The following SDK1 variants were observed in gnomAD, a reference collection of about 807,000 sequenced individuals.
SDK1 encodes the protein sidekick cell adhesion molecule 1, also known as protein sidekick-1.
In SDK1, 157 loss-of-function variants were observed where a neutral mutation model predicts 245.5. The observed-to-expected ratio is 0.64, with a 90% CI of 0.56 to 0.73. SDK1 has a LOEUF of 0.73. SDK1 is among the 30% of genes least tolerant of loss of function. The probability of loss-of-function intolerance (pLI) is 0.00; values close to 1 mark genes in which losing one functional copy is unlikely to be tolerated. For synonymous variants in SDK1, 1,647 were observed against 1,278.5 expected, an observed-to-expected ratio of 1.29 and a Z score of -6.15; for missense variants, 3,583 against 3,002.3, an observed-to-expected ratio of 1.19 and a Z score of -4.52.
rs780315292 is a variant in SDK1, at chr7:4,245,578, T to A, written c.6252-98T>A. On this transcript the variant is annotated intron_variant, in intron 43 of 44. Transcript: ENST00000404826. ...ATGTCAAAGGCTGTGGGTTTCCTCT[T>A]AGTCCAACGCAATAAAGGCCAAATG... is the stretch of plus-strand genomic sequence containing the variant. The A allele has an allele frequency of 4.2e-6, 6 of 1,413,786 alleles. No homozygotes were observed. The East Asian group carries it at 1.4e-4, about 33-fold the overall frequency. 87.6% of individuals were successfully genotyped at this position (1,413,786 alleles called of 1,614,324 possible). A position where few individuals can be genotyped will look rare whatever the true frequency, so the allele number is the denominator to read the frequency against.
intron 1 of SDK1, among the ~76,000 whole-genome samples, chr7:3,560,444 T>C (rs530981552): frequency 5.9e-5 from 9 of 152,354 alleles, no homozygotes; most frequent in Admixed American, 2.6e-4. Context: ...TTTAAACTTA[T>C]ATCCAGTGTG....
At chr7:3,509,550 C>T (rs946048850) in intron 1 of SDK1, among the ~76,000 whole-genome samples, 1 of 152,160 alleles carries the variant, frequency 6.6e-6, no homozygotes, top group African/African-American at 2.4e-5. Flanking sequence ...TGTGTTACCT[C>T]CATTTTACAG....
chr7:3,407,764 G>C (rs1583813597), intron 1 of SDK1, among the ~76,000 whole-genome samples: 1 of 152,172 alleles, frequency 6.6e-6, no homozygotes, highest in African/African-American at 2.4e-5. Flanking sequence ...GGTATACAAG[G>C]ATAACTAAGA....
At chr7:3,383,187 G>A (rs193233494) in intron 1 of SDK1, among the ~76,000 whole-genome samples, 15 of 152,296 alleles carry the variant, frequency 9.8e-5, no homozygotes, top group African/African-American at 3.6e-4. Flanking sequence ...TGAGGTGGGG[G>A]GATCAATTGA....
At chr7:4,258,174 A>G (rs1188804216) in intron 44 of SDK1, among the ~76,000 whole-genome samples, 1 of 152,214 alleles carries the variant, frequency 6.6e-6, no homozygotes, top group Admixed American at 6.5e-5. Flanking sequence ...GAAATGGTAT[A>G]AACACGCAGA....
rs78444417 is a variant in SDK1 at position 3,641,983 on chromosome 7, C to G, written c.591C>G (p.Asp197Glu). 5.6e-3 allele frequency: 8,991 copies of G among 1,613,820 alleles called. 418 individuals are homozygous for G. The African/African-American group carries it at 0.1, about 19-fold the overall frequency. The change falls in exon 4 of 45, where the codon GAC becomes GAG. Residue 197 changes from aspartate (D) to glutamate (E), a missense_variant. Transcript: ENST00000404826. Reference protein sequence around the residue: ...VAYMGSFMDTDQRKTVSQGRA... With the variant: ...VAYMGSFMDTEQRKTVSQGRA... ...ATATGGGAAGTTTCATGGATACGGA[C>G]CAGAGGAAAACAGTTTCTCAAGGAC...
intron 5 of SDK1, 117 bp from the exon 6 acceptor site, chr7:3,950,806 G>A (rs1780778387): frequency 2.9e-6 from 2 of 694,452 alleles, no homozygotes; most frequent in Admixed American, 2.3e-5. Context: ...TGTAGGGATT[G>A]GTACTCTCTT....
chr7:3,604,077 C>T (rs866696618), intron 1 of SDK1, among the ~76,000 whole-genome samples: 13 of 152,098 alleles, frequency 8.5e-5, no homozygotes, highest in African/African-American at 1.4e-4. Context: ...TGCTGGATTT[C>T]GGTTTGCCAG....
chr7:3,509,792 A>C (rs1782518183), intron 1 of SDK1, among the ~76,000 whole-genome samples: 2 of 152,208 alleles, frequency 1.3e-5, no homozygotes, highest in Non-Finnish European at 2.9e-5. Context: ...CATGACAGAG[A>C]GAGCCCCCCA....
At chr7:3,339,485 A>G (rs1467286520) in intron 1 of SDK1, among the ~76,000 whole-genome samples, 1 of 152,146 alleles carries the variant, frequency 6.6e-6, no homozygotes, top group Non-Finnish European at 1.5e-5. Flanking sequence ...AGAATACCCT[A>G]CTTTTTAAGT....
chr7:3,433,155 T>C (rs890378948), intron 1 of SDK1, among the ~76,000 whole-genome samples: 6 of 152,198 alleles, frequency 3.9e-5, no homozygotes, highest in Non-Finnish European at 5.9e-5. Flanking sequence ...GTACGGTGTT[T>C]AGCAAGTCCA....
chr7:3,364,495 C>T (rs774795386), intron 1 of SDK1, among the ~76,000 whole-genome samples: 1 of 152,104 alleles, frequency 6.6e-6, no homozygotes, highest in African/African-American at 2.4e-5. Context: ...CTTTTAAACC[C>T]ATGGATATGC....
At chr7:3,759,918 G>T (rs551132140) in intron 4 of SDK1, among the ~76,000 whole-genome samples, 5 of 151,910 alleles carry the variant, frequency 3.3e-5, no homozygotes, top group African/African-American at 9.7e-5. Context: ...TAAGTTGTCC[G>T]CATTCTTTTG....
intron 5 of SDK1, among the ~76,000 whole-genome samples, chr7:3,838,208 C>G (rs900293449): frequency 1.3e-5 from 2 of 152,208 alleles, no homozygotes; most frequent in African/African-American, 2.4e-5. Context: ...CTGTACACAG[C>G]AATCCGGATT....
At chr7:3,951,269 G>A (rs974372241) in intron 6 of SDK1, among the ~76,000 whole-genome samples, 1 of 152,046 alleles carries the variant, frequency 6.6e-6, no homozygotes, top group Non-Finnish European at 1.5e-5. Flanking sequence ...GGGTGGTAGT[G>A]GGGGGCTCCT....
chr7:3,319,805 G>A (rs1387779471), intron 1 of SDK1, among the ~76,000 whole-genome samples: 6 of 142,520 alleles, frequency 4.2e-5, no homozygotes, highest in Non-Finnish European at 9.1e-5. Flanking sequence ...TTTCACTTTA[G>A]TTATACTGTT....
chr7:3,308,410 C>G (rs1779471154), intron 1 of SDK1, among the ~76,000 whole-genome samples: 1 of 152,068 alleles, frequency 6.6e-6, no homozygotes, highest in Non-Finnish European at 1.5e-5. Flanking sequence ...TCATTAGGGG[C>G]TTTTAGTAAA....
At chr7:3,649,264 G>A (rs1445236138) in intron 4 of SDK1, among the ~76,000 whole-genome samples, 2 of 152,072 alleles carry the variant, frequency 1.3e-5, no homozygotes, top group Admixed American at 6.5e-5. Flanking sequence ...CTCTGTGGAG[G>A]TGACATTTTA....
At chr7:3,989,742 G>A (rs763722417) in intron 14 of SDK1, among the ~76,000 whole-genome samples, 2 of 152,054 alleles carry the variant, frequency 1.3e-5, no homozygotes, top group African/African-American at 2.4e-5. Context: ...GCCTGTACAC[G>A]CCCCCAGCAA....
Sources: allele counts gnomAD v4.1 joint callset (sites outside exome capture counted in the v4.1 genomes callset), GRCh38; gene constraint gnomAD v4.1.1; transcripts MANE v1.5; gene names NCBI Gene and HGNC (gene_info 2026-07-23, HGNC 2026-07-21).